The following MARCHF10 variants were observed in gnomAD, a reference collection of about 807,000 sequenced individuals.
MARCHF10 encodes membrane associated ring-CH-type finger 10, also known as probable E3 ubiquitin-protein ligase MARCHF10.
A neutral mutation model predicts 76.2 loss-of-function variants in MARCHF10; 64 were observed. The ratio of observed to expected loss-of-function variants is 0.84; its 90% CI spans 0.69 to 1.03. MARCHF10 has a LOEUF of 1.03. MARCHF10 is among the 50% of genes least tolerant of loss of function. MARCHF10 has a pLI of 0.00. For synonymous variants in MARCHF10, 340 were observed against 357.5 expected (o/e 0.95, Z 0.55); for missense variants, 875 against 958.0 (o/e 0.91, Z 1.14).
At chr17:62,727,144 A>T (rs2090795615) in intron 6 of MARCHF10, among the ~76,000 whole-genome samples, 1 of 152,198 alleles carries the variant, frequency 6.6e-6, no homozygotes, top group South Asian at 2.1e-4. Flanking sequence ...AAGATCACTG[A>T]TCTCAACAGG....
intron 2 of MARCHF10, 114 bp downstream of exon 2, chr17:62,801,532 T>G: frequency 1.5e-6 from 1 of 680,566 alleles, no homozygotes. Context: ...ACCTAATCGG[T>G]GGGTTTGGAT....
At chr17:62,763,546 C>T (rs907204693) in intron 3 of MARCHF10, among the ~76,000 whole-genome samples, 3 of 152,020 alleles carry the variant, frequency 2.0e-5, no homozygotes, top group African/African-American at 7.2e-5. Flanking sequence ...TTTTAAATTG[C>T]ATCTTTTCCT....
intron 4 of MARCHF10, among the ~76,000 whole-genome samples, chr17:62,746,233 G>A (rs2091697847): frequency 1.3e-5 from 2 of 152,352 alleles, no homozygotes; most frequent in South Asian, 4.1e-4. Flanking sequence ...CCAAGACAGA[G>A]AGGATCATGC....
At chr17:62,769,983 T>G (rs1446147539) in intron 3 of MARCHF10, among the ~76,000 whole-genome samples, 2 of 152,174 alleles carry the variant, frequency 1.3e-5, no homozygotes, top group Non-Finnish European at 2.9e-5. Context: ...GTCATGAGCA[T>G]AGTACCCAAT....
At chr17:62,709,075 G>T (rs1467715510) in intron 9 of MARCHF10, among the ~76,000 whole-genome samples, 1 of 152,194 alleles carries the variant, frequency 6.6e-6, no homozygotes, top group Non-Finnish European at 1.5e-5. Flanking sequence ...TTTACGGAAA[G>T]GGACATCAGG....
chr17:62,761,534 G>C (rs552406195), intron 3 of MARCHF10, among the ~76,000 whole-genome samples: 3 of 151,942 alleles, frequency 2.0e-5, no homozygotes, highest in African/African-American at 7.3e-5. Flanking sequence ...CAATTCTCCT[G>C]CCTCAGCCTC....
rs761175702 is a variant in MARCHF10 at position 62,743,515 on chromosome 17, C to T, written c.535+861G>A. ...AAAATTAGCCGGGCATGGTGGTGCG[C>T]GCCTGTGGTCCCAGCTACTTGGGAG... On this transcript the variant is annotated intron_variant, in intron 5 of 10. Transcript: ENST00000311269. Among the ~76,000 whole-genome samples, 6 of 152,230 alleles carry T rather than the reference C, an allele frequency of 3.9e-5. No homozygotes were observed. The South Asian group carries it at 8.3e-4, about 21-fold the overall frequency.
chr17:62,711,066 TCAC>T lies in MARCHF10; in HGVS notation c.2328+162_2328+164del, dbSNP rs2089907068. On this transcript the variant is annotated intron_variant, in intron 9 of 10. Coordinates refer to ENST00000311269, the MANE Select transcript of MARCHF10 (RefSeq NM_152598.4). The surrounding 1 kb of genome is among the most constrained non-coding windows in gnomAD (Gnocchi z 4.4). ...CGTCACTTACTTTTCAGCCAGAGGG[TCAC>T]CATGTGTACACTTAGCAGCTGCTAA... Among the ~76,000 whole-genome samples the T allele has an allele frequency of 6.6e-6, 1 of 152,142 alleles. No homozygotes were observed. The highest frequency in any genetic ancestry group is 2.1e-4 in the South Asian group (1 of 4,828).
chr17:62,805,975 T>C (rs899248291), intron 1 of MARCHF10, among the ~76,000 whole-genome samples: 14 of 152,030 alleles, frequency 9.2e-5, no homozygotes, highest in Admixed American at 2.0e-4. Context: ...TCTCTCTTCC[T>C]TCCCATAAAC....
intron 1 of MARCHF10, among the ~76,000 whole-genome samples, chr17:62,806,208 C>T (rs1045394312): frequency 6.6e-6 from 1 of 152,036 alleles, no homozygotes; most frequent in South Asian, 2.1e-4. Flanking sequence ...GAAAAACTGA[C>T]CAGGATGAAC....
At position 62,801,653 on chromosome 17, in the gene MARCHF10, T is replaced by C. The variant is rs755288430; in HGVS notation, c.83A>G (p.Glu28Gly). 4 of 1,613,916 alleles carry C rather than the reference T, an allele frequency of 2.5e-6. No homozygotes were observed. The highest frequency in any genetic ancestry group is 3.4e-6 in the Non-Finnish European group (4 of 1,179,796). Residue 28 changes from glutamate to glycine, a missense_variant, in exon 2 of 11, where the codon GAG (glutamate) becomes GGG (glycine). Glu to Gly is a moderately conservative substitution (Grantham distance 98). Coordinates refer to ENST00000311269, the MANE Select transcript of MARCHF10 (RefSeq NM_152598.4). ...CTTGCTTTCTGCAATTACCTGATAC[T>C]CAGAGTCCACCTTATGCTGCATGTC... is the stretch of plus-strand genomic sequence containing the variant. The part of the protein sequence containing the change: ...LRDMQHKVDS[E>G]YQACLRRQEY...
At position 62,711,159 on chromosome 17, in the gene MARCHF10, C is replaced by T; in HGVS notation, c.2328+72G>A. 6 of 1,252,740 alleles carry T rather than the reference C, an allele frequency of 4.8e-6. No individual in the cohort carries two copies. The highest frequency in any genetic ancestry group is 7.0e-6 in the Non-Finnish European group (6 of 856,500). The allele number at this position is 1,252,740 out of a possible 1,614,324, so 77.6% of individuals were successfully genotyped here. ...CGACCGTGAGGACCTCAACAGCTTGCACATCTAATAAACAGCACTGCAGGG... is the reference window on the plus strand; with the variant it reads ...CGACCGTGAGGACCTCAACAGCTTGTACATCTAATAAACAGCACTGCAGGG... On this transcript the variant is annotated intron_variant, in intron 9 of 10. Transcript: ENST00000311269. This position sits in a 1 kb window ranked among gnomAD's most constrained non-coding sequence, Gnocchi z 4.4.
intron 1 of MARCHF10, among the ~76,000 whole-genome samples, chr17:62,806,821 T>A (rs896682097): frequency 1.3e-5 from 2 of 152,250 alleles, no homozygotes; most frequent in Non-Finnish European, 2.9e-5. Flanking sequence ...AAGTCATGCA[T>A]ACGTACCATC....
At chr17:62,785,056 C>G (rs1167964056) in intron 3 of MARCHF10, among the ~76,000 whole-genome samples, 1 of 152,062 alleles carries the variant, frequency 6.6e-6, no homozygotes, top group African/African-American at 2.4e-5. Context: ...AAAAAAGAAC[C>G]CTCATTGCCA....
At chr17:62,760,084 C>G (rs752613801) in intron 3 of MARCHF10, 78 bp from the exon 4 acceptor site, 3 of 1,187,846 alleles carry the variant, frequency 2.5e-6, no homozygotes, top group Non-Finnish European at 3.7e-6. Context: ...AGAAATGAGG[C>G]AAATGCAGTG....
intron 4 of MARCHF10, among the ~76,000 whole-genome samples, chr17:62,756,605 A>G (rs2147932648): frequency 6.6e-6 from 1 of 152,326 alleles, no homozygotes; most frequent in South Asian, 2.1e-4. Context: ...TAATGCAATA[A>G]TTAATTGAGT....
intron 4 of MARCHF10, among the ~76,000 whole-genome samples, chr17:62,747,801 C>CA (rs985421904): frequency 7.0e-4 from 106 of 152,220 alleles, no homozygotes; most frequent in African/African-American, 2.5e-3. Flanking sequence ...TTCTCTCCCT[C>CA]AATCCTTCTT....
intron 9 of MARCHF10, among the ~76,000 whole-genome samples, chr17:62,710,812 C>T (rs904954698): frequency 2.0e-5 from 3 of 152,106 alleles, no homozygotes; most frequent in African/African-American, 4.8e-5. Flanking sequence ...CCTCTAGCCT[C>T]GGCCTCCCAA....
chr17:62,708,991 G>A lies in MARCHF10; in HGVS notation c.2328+2240C>T, dbSNP rs986249129. ...ATTCACTGGGTCCACTAGTTCTCTTGCACAGGTGCTACTTTCCAGTTATTT... is the reference window on the plus strand; with the variant it reads ...ATTCACTGGGTCCACTAGTTCTCTTACACAGGTGCTACTTTCCAGTTATTT... On this transcript the variant is annotated intron_variant, in intron 9 of 10. Coordinates refer to ENST00000311269, the MANE Select transcript of MARCHF10 (RefSeq NM_152598.4). Among the ~76,000 whole-genome samples the A allele has an allele frequency of 1.9e-4, 29 of 152,322 alleles. 1 individual carries two copies. The East Asian group carries it at 5.0e-3, about 26-fold the overall frequency.
Sources: gnomAD v4.1 joint callset for allele counts (sites outside exome capture counted in the v4.1 genomes callset) on GRCh38, gnomAD v4.1.1 for gene constraint, Gnocchi (gnomAD v3.1) non-coding constraint, MANE v1.5 for transcripts, NCBI Gene and HGNC (gene_info 2026-07-23, HGNC 2026-07-21) for gene names.